The following TRIM67 variants were observed in gnomAD, a reference collection of about 807,000 sequenced individuals.
The protein encoded by TRIM67 is tripartite motif-containing protein 67.
Under a neutral mutation model 71.0 loss-of-function variants are expected in TRIM67, and 39 were observed. The observed-to-expected ratio is 0.55, with a 90% CI of 0.43 to 0.72. TRIM67 has a LOEUF of 0.72. Ranked by LOEUF, TRIM67 falls within the 30% of genes least tolerant of loss-of-function variation. The probability of loss-of-function intolerance (pLI) is 0.00; values close to 1 mark genes in which losing one functional copy is unlikely to be tolerated. For synonymous variants in TRIM67, 481 were observed against 473.9 expected (o/e 1.01, Z -0.19); for missense variants, 973 against 1,079.2 (o/e 0.90, Z 1.38).
chr1:231,216,184 C>T lies in TRIM67; in HGVS notation c.*744C>T. Reference sequence around the variant, plus strand: ...TCTCTTCTTCTCTCTCTCCTTCCTTCCCTCCTTTGCTCTCTCTTTCTTCCT... The same window carrying T: ...TCTCTTCTTCTCTCTCTCCTTCCTTTCCTCCTTTGCTCTCTCTTTCTTCCT... On this transcript the variant is annotated 3_prime_UTR_variant, in exon 10 of 10. Transcript: ENST00000366653. 3.2e-6 allele frequency: 3 copies of T among 951,268 alleles called. No homozygotes were observed. Among genetic ancestry groups the T allele is most frequent in the Non-Finnish European group, 3.8e-6 (3 of 799,272 alleles). 58.9% of individuals were successfully genotyped at this position (951,268 alleles called of 1,614,324 possible). A position where few individuals can be genotyped will look rare whatever the true frequency, so the allele number is the denominator to read the frequency against.
Position 231,217,773 on chromosome 1 carries a change from G to T in TRIM67, c.*2333G>T. On this transcript the variant is annotated 3_prime_UTR_variant, in exon 10 of 10. Transcript: ENST00000366653. ...ATCGCCCATCATTGGAGCACAAGTTGCCTGGGGCTACCCTGAACCTAACCC... is the reference window on the plus strand; with the variant it reads ...ATCGCCCATCATTGGAGCACAAGTTTCCTGGGGCTACCCTGAACCTAACCC... 7.0e-6 allele frequency: 9 copies of T among 1,283,250 alleles called. No homozygotes were observed. The highest frequency in any genetic ancestry group is 8.1e-6 in the Non-Finnish European group (8 of 985,804). 79.5% of individuals were successfully genotyped at this position (1,283,250 alleles called of 1,614,324 possible).
chr1:231,193,451 T>C lies in TRIM67; in HGVS notation c.1045-3920T>C, dbSNP rs376095474. ...TAGATGTGCTCACAGCCCCCTCTGA[T>C]AGAATTAATTCCCTTAAAAAAAAAG... On this transcript the variant is annotated intron_variant, in intron 1 of 9. Transcript: ENST00000366653. Among the ~76,000 whole-genome samples, 11 of 145,770 alleles carry C rather than the reference T, an allele frequency of 7.5e-5. No homozygotes were observed. The East Asian group carries it at 2.2e-3, about 30-fold the overall frequency.
rs1054851385 is a variant in TRIM67 at position 231,201,463 on chromosome 1, G to A, written c.1480G>A (p.Glu494Lys). 8 of 1,613,708 alleles carry A rather than the reference G, an allele frequency of 5.0e-6. No individual in the cohort carries two copies. Among genetic ancestry groups the A allele is most frequent in the African/African-American group, 2.7e-5 (2 of 74,936 alleles). Residue 494 changes from glutamate to lysine, a missense_variant, in exon 5 of 10, where the codon GAG becomes AAG. Glu to Lys is a moderately conservative substitution (Grantham distance 56, BLOSUM62 1). Around this residue, in one of 2 missense-constraint regions of TRIM67, gnomAD observed 795 missense variants for 831.3 expected, o/e 0.96. Coordinates refer to ENST00000366653, the MANE Select transcript of TRIM67 (RefSeq NM_001004342.5). ...SAEFDLTLDS[E>K]PLLQAIHQLD... is the part of the protein sequence containing the mutation. ...GGAGTTTGATCTGACTTTGGACAGC[G>A]AGCCGCTGCTGCAGGCCATCCACCA...
chr1:231,166,454 T>C (rs998643902), intron 1 of TRIM67, among the ~76,000 whole-genome samples: 14 of 152,210 alleles, frequency 9.2e-5, no homozygotes, highest in African/African-American at 3.4e-4. Context: ...GCTGTGAGGG[T>C]GGCTACTTTT....
chr1:231,179,577 A>C (rs1000004184), intron 1 of TRIM67, among the ~76,000 whole-genome samples: 1 of 152,232 alleles, frequency 6.6e-6, no homozygotes, highest in Admixed American at 6.5e-5. Flanking sequence ...TTGCAATCAG[A>C]CCTTGGTGAT....
At chr1:231,203,170 T>C (rs1197123879) in intron 5 of TRIM67, among the ~76,000 whole-genome samples, 1 of 152,156 alleles carries the variant, frequency 6.6e-6, no homozygotes, top group African/African-American at 2.4e-5. Context: ...AAGGTCAAAG[T>C]GGACTCTATC....
chr1:231,176,339 A>G (rs1682748397), intron 1 of TRIM67, among the ~76,000 whole-genome samples: 1 of 152,200 alleles, frequency 6.6e-6, no homozygotes, highest in African/African-American at 2.4e-5. Context: ...GAATAAACAG[A>G]TGGAGGAAGA....
At chr1:231,166,584 G>A (rs912069680) in intron 1 of TRIM67, among the ~76,000 whole-genome samples, 12 of 152,154 alleles carry the variant, frequency 7.9e-5, no homozygotes, top group Admixed American at 3.3e-4. Flanking sequence ...CCTTGACAAG[G>A]CCTCATTGCA....
intron 8 of TRIM67, among the ~76,000 whole-genome samples, chr1:231,211,219 C>G (rs1466655299): frequency 6.6e-6 from 1 of 151,960 alleles, no homozygotes; most frequent in African/African-American, 2.4e-5. Context: ...CACCACACCC[C>G]TCCCAAGGGC....
intron 9 of TRIM67, among the ~76,000 whole-genome samples, chr1:231,214,682 G>A (rs1323797824): frequency 6.6e-6 from 1 of 151,606 alleles, no homozygotes; most frequent in Non-Finnish European, 1.5e-5. Flanking sequence ...AGGAGGCTGA[G>A]GTAGGAGAAT....
chr1:231,208,342 T>A (rs1302541360), intron 7 of TRIM67, among the ~76,000 whole-genome samples: 2 of 151,942 alleles, frequency 1.3e-5, no homozygotes, highest in Non-Finnish European at 2.9e-5. Context: ...CCCGGCTAAT[T>A]TTTTTGTATT....
chr1:231,187,396 T>G, intron 1 of TRIM67: 3 of 956,794 alleles, frequency 3.1e-6, no homozygotes, highest in Non-Finnish European at 4.4e-6. Context: ...ACCTTTTAAT[T>G]TTTTTAAAAA....
At position 231,163,676 on chromosome 1, in the gene TRIM67, T is replaced by A. The variant is rs1330538858; in HGVS notation, c.707T>A (p.Leu236His). 3 of 1,514,676 alleles carry A rather than the reference T, an allele frequency of 2.0e-6. No homozygotes were observed. Among genetic ancestry groups the A allele is most frequent in the Non-Finnish European group, 2.6e-6 (3 of 1,133,072 alleles). 93.8% of individuals were successfully genotyped at this position (1,514,676 alleles called of 1,614,324 possible). A position where few individuals can be genotyped will look rare whatever the true frequency, so the allele number is the denominator to read the frequency against. Residue 236 changes from leucine to histidine, a missense_variant, in exon 1 of 10, where the codon CTC becomes CAC. By Grantham distance (99) the Leu-to-His change is moderately conservative. Transcript: ENST00000366653. ...GTCCTCTACTGCTCTGCCTGCCAGC[T>A]CAAGTGCCATCCATCCCGGGGACCC... is the stretch of plus-strand genomic sequence containing the variant. Reference protein sequence around the residue: ...CDVLYCSACQLKCHPSRGPFA... With the variant: ...CDVLYCSACQHKCHPSRGPFA...
Position 231,192,340 on chromosome 1 carries a change from A to G in TRIM67, c.1045-5031A>G, listed in dbSNP as rs141583158. On this transcript the variant is annotated intron_variant, in intron 1 of 9. Coordinates refer to ENST00000366653, the MANE Select transcript of TRIM67 (RefSeq NM_001004342.5). Reference sequence around the variant, plus strand: ...GCTTATTTTTAAATGTTTTGTAGAGACAACAGCTCACTATATTACCCAGTC... The same window carrying G: ...GCTTATTTTTAAATGTTTTGTAGAGGCAACAGCTCACTATATTACCCAGTC... Among the ~76,000 whole-genome samples the G allele has an allele frequency of 4.6e-5, 7 of 152,182 alleles. No individual in the cohort carries two copies. In the East Asian group the frequency reaches 1.4e-3, roughly 29 times the overall value.
intron 8 of TRIM67, 104 bp from the exon 9 acceptor site, chr1:231,213,711 A>G: frequency 7.3e-7 from 1 of 1,368,810 alleles, no homozygotes; most frequent in Non-Finnish European, 9.8e-7. Flanking sequence ...AGCCTGGGTG[A>G]CAGAGTGAGA....
In TRIM67 at chr1:231,218,150, A is replaced by G. The variant is rs2102770614; in HGVS notation, c.*2710A>G. ...GAGGGATCAGAAAAGTGAAGAAGGA[A>G]CTTATCAATTCCTCATGGCCAGGAA... On this transcript the variant is annotated 3_prime_UTR_variant, in exon 10 of 10. Coordinates refer to ENST00000366653, the MANE Select transcript of TRIM67 (RefSeq NM_001004342.5). The G allele has an allele frequency of 1.9e-6, 2 of 1,045,330 alleles. No individual in the cohort carries two copies. The highest frequency in any genetic ancestry group is 6.8e-5 in the South Asian group (2 of 29,590). 64.8% of individuals were successfully genotyped at this position (1,045,330 alleles called of 1,614,324 possible). A position where few individuals can be genotyped will look rare whatever the true frequency, so the allele number is the denominator to read the frequency against.
In TRIM67 at chr1:231,162,089, G is replaced by A. The variant is rs1682299640; in HGVS notation, c.-881G>A. ...CCTCGGCGCGCCGCGCGGGGAGGCA[G>A]CGGCAGCGGCGGGAGGGAGGCGGGG... On this transcript the variant is annotated 5_prime_UTR_variant, in exon 1 of 10. Transcript: ENST00000366653. 6.6e-6 allele frequency: 1 copy of A among 152,122 alleles called. No individual in the cohort carries two copies. The highest frequency in any genetic ancestry group is 6.5e-5 in the Admixed American group (1 of 15,282). 9.4% of individuals were successfully genotyped at this position (152,122 alleles called of 1,614,324 possible). A position where few individuals can be genotyped will look rare whatever the true frequency, so the allele number is the denominator to read the frequency against.
At chr1:231,199,467 A>G (rs1683461077) in intron 3 of TRIM67, among the ~76,000 whole-genome samples, 1 of 152,210 alleles carries the variant, frequency 6.6e-6, no homozygotes. Flanking sequence ...AGAAGTGACC[A>G]ATGACAGTGA....
rs1464314837 is a variant in TRIM67 at position 231,217,645 on chromosome 1, G to C, written c.*2205G>C. 43 of 1,157,844 alleles carry C rather than the reference G, an allele frequency of 3.7e-5. 1 individual carries two copies. In the Admixed American group the frequency reaches 1.6e-3, roughly 43 times the overall value. 71.7% of individuals were successfully genotyped at this position (1,157,844 alleles called of 1,614,324 possible). On this transcript the variant is annotated 3_prime_UTR_variant, in exon 10 of 10. Coordinates refer to ENST00000366653, the MANE Select transcript of TRIM67 (RefSeq NM_001004342.5). ...GAATGAGAGTGGGCTAGGCAGGGCT[G>C]CCTGGTGACAGCAGCTTCTCACAGG...
Sources: gnomAD v4.1 joint callset for allele counts (sites outside exome capture counted in the v4.1 genomes callset) on GRCh38, gnomAD v4.1.1 for gene constraint, gnomAD v4.1.1 regional missense constraint, MANE v1.5 for transcripts, NCBI Gene and HGNC (gene_info 2026-07-23, HGNC 2026-07-21) for gene names.